CSMD3: variants seen among roughly 807,000 people sequenced by gnomAD.
The protein encoded by CSMD3 is CUB and Sushi multiple domains 3.
In CSMD3, 177 loss-of-function variants were observed where a neutral mutation model predicts 435.2. The observed-to-expected ratio is 0.41, with a 90% CI of 0.36 to 0.46. The LOEUF is 0.46. Ranked by LOEUF, CSMD3 falls within the 20% of genes least tolerant of loss-of-function variation. The pLI is 0.34. For missense variants in CSMD3, 4,265 were observed against 4,504.6 expected (o/e 0.95, Z 1.52); for synonymous variants, 1,656 against 1,520.5 (o/e 1.09, Z -2.07).
intron 10 of CSMD3, among the ~76,000 whole-genome samples, chr8:112,916,847 G>A (rs1396293019): frequency 3.3e-5 from 5 of 151,918 alleles, no homozygotes; most frequent in African/African-American, 9.7e-5. Flanking sequence ...GCTACTGTAT[G>A]TATAAAAATA....
intron 44 of CSMD3, 96 bp downstream of exon 44, chr8:112,336,556 G>T: frequency 1.0e-6 from 1 of 964,770 alleles, no homozygotes; most frequent in Non-Finnish European, 1.7e-6. Context: ...AATATCAGAT[G>T]ACAATTTGTA....
At chr8:113,070,663 C>T (rs904278888) in intron 5 of CSMD3, among the ~76,000 whole-genome samples, 2 of 151,998 alleles carry the variant, frequency 1.3e-5, no homozygotes, top group Non-Finnish European at 2.9e-5. Flanking sequence ...TCTATGAGTT[C>T]AACTAGTTTA....
chr8:112,346,312 T>G, intron 40 of CSMD3, 99 bp from the exon 41 acceptor site: 1 of 776,060 alleles, frequency 1.3e-6, no homozygotes, highest in Non-Finnish European at 2.3e-6. Flanking sequence ...AGGCTCTGAG[T>G]TAAAACTGAT....
intron 3 of CSMD3, among the ~76,000 whole-genome samples, chr8:113,233,219 A>C (rs2093109300): frequency 6.6e-6 from 1 of 151,522 alleles, no homozygotes; most frequent in Admixed American, 6.6e-5. Context: ...ATATGCAATT[A>C]ATAATTCCTA....
chr8:113,315,231 G>T (rs780884779), intron 1 of CSMD3, among the ~76,000 whole-genome samples: 1 of 152,124 alleles, frequency 6.6e-6, no homozygotes, highest in Admixed American at 6.6e-5. Flanking sequence ...GGCAACACAT[G>T]CTAGCTTTTT....
chr8:113,198,799 C>T (rs958560767), intron 3 of CSMD3, among the ~76,000 whole-genome samples: 1 of 151,178 alleles, frequency 6.6e-6, no homozygotes, highest in South Asian at 2.1e-4. Context: ...TTTTTCTATT[C>T]TCCATTTAAT....
rs560377260 is a variant in CSMD3 at position 113,074,163 on chromosome 8, A to G, written c.917+24593T>C. Among the ~76,000 whole-genome samples the G allele has an allele frequency of 1.4e-3, 118 of 87,380 alleles. 1 individual carries two copies. Among genetic ancestry groups the G allele is most frequent in the African/African-American group, 7.3e-3 (110 of 15,032 alleles). 57.3% of individuals were successfully genotyped at this position (87,380 alleles called of 152,430 possible). On this transcript the variant is annotated intron_variant, in intron 5 of 70. Coordinates refer to ENST00000297405, the MANE Select transcript of CSMD3 (RefSeq NM_198123.2). ...CCAAAATAAGACTTAAAGCACACAC[A>G]GAGACACACACACACACACACACAC...
chr8:112,718,710 C>T (rs901163197), intron 13 of CSMD3, among the ~76,000 whole-genome samples: 3 of 151,368 alleles, frequency 2.0e-5, no homozygotes, highest in African/African-American at 4.9e-5. Flanking sequence ...TTTACAGTAC[C>T]CCTTATTTTT....
At chr8:113,290,703 C>T (rs117665578) in intron 2 of CSMD3, among the ~76,000 whole-genome samples, 4,493 of 151,632 alleles carry the variant, frequency 0.03, 87 homozygotes, top group Admixed American at 0.04. Flanking sequence ...TGACATGGAA[C>T]GTACATGTGG....
At chr8:113,308,435 A>AT (rs1257931567) in intron 2 of CSMD3, among the ~76,000 whole-genome samples, 4 of 151,408 alleles carry the variant, frequency 2.6e-5, no homozygotes, top group South Asian at 2.1e-4. Context: ...CGCCCGGCTG[A>AT]TTTTTTGTAT....
In CSMD3 at chr8:113,330,113, G is replaced by T. The variant is rs574137269; in HGVS notation, c.179-15320C>A. On this transcript the variant is annotated intron_variant, in intron 1 of 70. Coordinates refer to ENST00000297405, the MANE Select transcript of CSMD3 (RefSeq NM_198123.2). Reference sequence around the variant, plus strand: ...TAAACTGCAAAAACAGTAATTATAAGACATTTCTGAATAGTTTACAACGTA... The same window carrying T: ...TAAACTGCAAAAACAGTAATTATAATACATTTCTGAATAGTTTACAACGTA... Among the ~76,000 whole-genome samples, 526 of 152,070 alleles carry T rather than the reference G, an allele frequency of 3.5e-3. 2 individuals carry two copies. Among genetic ancestry groups the T allele is most frequent in the African/African-American group, 0.012 (507 of 41,528 alleles).
intron 2 of CSMD3, among the ~76,000 whole-genome samples, chr8:113,299,949 G>A (rs780946517): frequency 2.6e-5 from 4 of 151,206 alleles, no homozygotes; most frequent in Non-Finnish European, 5.9e-5. Context: ...CCGACATCAC[G>A]CCACTGCACT....
intron 22 of CSMD3, among the ~76,000 whole-genome samples, chr8:112,602,669 T>C (rs1215373982): frequency 1.3e-5 from 2 of 151,792 alleles, no homozygotes; most frequent in African/African-American, 4.8e-5. Flanking sequence ...GCATCACCGA[T>C]AACATAGTCA....
At chr8:112,941,955 TATTA>T (rs904048052) in intron 9 of CSMD3, among the ~76,000 whole-genome samples, 5 of 150,720 alleles carry the variant, frequency 3.3e-5, no homozygotes, top group South Asian at 2.1e-4. Flanking sequence ...TAAAATATTT[TATTA>T]ATTAAAGTTC....
intron 3 of CSMD3, among the ~76,000 whole-genome samples, chr8:113,271,100 C>G (rs2093521739): frequency 6.6e-6 from 1 of 151,894 alleles, no homozygotes; most frequent in South Asian, 2.1e-4. Context: ...GCAAATCATC[C>G]AAGAGGTGGC....
intron 16 of CSMD3, among the ~76,000 whole-genome samples, chr8:112,682,016 G>A (rs1334642222): frequency 6.6e-6 from 1 of 151,696 alleles, no homozygotes; most frequent in Non-Finnish European, 1.5e-5. Flanking sequence ...TTAAATAAAT[G>A]GGTGTTTTAG....
At chr8:113,091,337 A>G (rs1258913864) in intron 5 of CSMD3, among the ~76,000 whole-genome samples, 1 of 152,082 alleles carries the variant, frequency 6.6e-6, no homozygotes, top group Admixed American at 6.6e-5. Context: ...TAGTTTGAAT[A>G]GTATTAGCAT....
intron 13 of CSMD3, among the ~76,000 whole-genome samples, chr8:112,772,591 T>C (rs2078147606): frequency 6.6e-6 from 1 of 151,960 alleles, no homozygotes; most frequent in Non-Finnish European, 1.5e-5. Flanking sequence ...GCCCTACACC[T>C]GTAAAGGGTC....
At chr8:113,400,555 C>G (rs937091730) in intron 1 of CSMD3, among the ~76,000 whole-genome samples, 16 of 151,762 alleles carry the variant, frequency 1.1e-4, no homozygotes, top group Non-Finnish European at 1.8e-4. Context: ...ATGTTTTCAC[C>G]ATATATATTT....
Sources: gnomAD v4.1 joint callset for allele counts (sites outside exome capture counted in the v4.1 genomes callset) on GRCh38, gnomAD v4.1.1 for gene constraint, MANE v1.5 for transcripts, NCBI Gene and HGNC (gene_info 2026-07-23, HGNC 2026-07-21) for gene names.